CDH2: variants seen among roughly 807,000 people sequenced by gnomAD.
CDH2 encodes cadherin 2.
A neutral mutation model predicts 92.0 loss-of-function variants in CDH2; 17 were observed. That is an observed-to-expected ratio of 0.18 (90% CI 0.13 to 0.28). The LOEUF (loss-of-function observed/expected upper bound fraction) is 0.28. Ranked by LOEUF, CDH2 falls within the 10% of genes least tolerant of loss-of-function variation. The pLI, the probability that CDH2 is intolerant of heterozygous loss-of-function variation, is 1.00. For synonymous variants in CDH2, 419 were observed against 415.9 expected, an observed-to-expected ratio of 1.01 and a Z score of -0.09; for missense variants, 862 against 1,133.1, an observed-to-expected ratio of 0.76 and a Z score of 3.44.
chr18:28,043,466 ATAT>A (rs1567976390), intron 2 of CDH2, among the ~76,000 whole-genome samples: 8 of 82,986 alleles, frequency 9.6e-5, no homozygotes, highest in South Asian at 3.2e-4. Context: ...AAATAAATAT[ATAT>A]ATATATATAT....
chr18:27,947,165 A>C (rs1205491801), downstream of CDH2, among the ~76,000 whole-genome samples: 3 of 151,824 alleles, frequency 2.0e-5, no homozygotes, highest in South Asian at 6.2e-4. Context: ...GAGAATCGCC[A>C]AAAAGCTATT....
At chr18:28,033,081 C>T (rs1310739456) in intron 2 of CDH2, among the ~76,000 whole-genome samples, 1 of 151,960 alleles carries the variant, frequency 6.6e-6, no homozygotes, top group Non-Finnish European at 1.5e-5. Flanking sequence ...GTGATCTGAG[C>T]ACCAAAGAAT....
intron 1 of CDH2, among the ~76,000 whole-genome samples, chr18:28,176,673 C>T (rs1471064904): frequency 6.6e-6 from 1 of 152,064 alleles, no homozygotes; most frequent in Non-Finnish European, 1.5e-5. Context: ...GGGGACACCC[C>T]CCGCGAGCTT....
In CDH2 at chr18:27,951,777, G is replaced by A. The variant is rs201049199; in HGVS notation, c.*376C>T. 3 of 175,382 alleles carry A rather than the reference G, an allele frequency of 1.7e-5. No individual in the cohort carries two copies. Among genetic ancestry groups the A allele is most frequent in the Non-Finnish European group, 3.7e-5 (3 of 81,586 alleles). The allele number at this position is 175,382 out of a possible 1,614,324, so 10.9% of individuals were successfully genotyped here. A position where few individuals can be genotyped will look rare whatever the true frequency, so the allele number is the denominator to read the frequency against. Reference sequence around the variant, plus strand: ...AAAGCAAATGCAATGTAACAAAAGCGTGTTGAAGCATATCATGGTTTAACT... The same window carrying A: ...AAAGCAAATGCAATGTAACAAAAGCATGTTGAAGCATATCATGGTTTAACT... On this transcript the variant is annotated 3_prime_UTR_variant, in exon 16 of 16. Transcript: ENST00000269141.
At chr18:28,067,501 T>C (rs1455260741) in intron 2 of CDH2, among the ~76,000 whole-genome samples, 1 of 152,214 alleles carries the variant, frequency 6.6e-6, no homozygotes, top group African/African-American at 2.4e-5. Context: ...CCTTTGTGAT[T>C]AGCTTCTTTC....
At chr18:27,947,608 G>A (rs533686865), downstream of CDH2, among the ~76,000 whole-genome samples, 26 of 151,860 alleles carry the variant, frequency 1.7e-4, no homozygotes, top group South Asian at 2.7e-3. Flanking sequence ...TAGAAGATCC[G>A]GAAACAAACA....
chr18:28,098,998 T>C (rs1282925320), intron 2 of CDH2, among the ~76,000 whole-genome samples: 1 of 152,204 alleles, frequency 6.6e-6, no homozygotes, highest in Admixed American at 6.5e-5. Context: ...TTAAGTAATC[T>C]ATAAACAGAA....
chr18:28,176,557 C>T (rs1469395696), intron 1 of CDH2, among the ~76,000 whole-genome samples: 2 of 152,114 alleles, frequency 1.3e-5, no homozygotes, highest in South Asian at 4.1e-4. Context: ...GCGACCCATC[C>T]CTGCAGAAAT....
At chr18:28,094,157 T>C (rs1479636383) in intron 2 of CDH2, among the ~76,000 whole-genome samples, 1 of 152,144 alleles carries the variant, frequency 6.6e-6, no homozygotes, top group Admixed American at 6.5e-5. Flanking sequence ...TTGCAACTGT[T>C]TTGGAGTTCC....
chr18:28,172,118 A>G (rs1444555269), intron 1 of CDH2, among the ~76,000 whole-genome samples: 1 of 151,342 alleles, frequency 6.6e-6, no homozygotes, highest in Non-Finnish European at 1.5e-5. Flanking sequence ...TGTGTATGCA[A>G]TCCAAGGGCT....
At chr18:28,161,638 G>GGAA (rs1055205918) in intron 1 of CDH2, among the ~76,000 whole-genome samples, 83 of 151,766 alleles carry the variant, frequency 5.5e-4, no homozygotes, top group Admixed American at 1.5e-3. Flanking sequence ...CAAGAAGTTG[G>GGAA]GAATAAGTCT....
chr18:28,043,016 T>C (rs1345562899), intron 2 of CDH2, among the ~76,000 whole-genome samples: 1 of 152,218 alleles, frequency 6.6e-6, no homozygotes, highest in Non-Finnish European at 1.5e-5. Context: ...CAGTCAGTTG[T>C]TGCCAATATT....
intron 2 of CDH2, among the ~76,000 whole-genome samples, chr18:28,055,367 C>T (rs896254341): frequency 1.3e-5 from 2 of 152,122 alleles, no homozygotes; most frequent in African/African-American, 4.8e-5. Flanking sequence ...ATCCATATCA[C>T]TAGGCTTATT....
intron 15 of CDH2, among the ~76,000 whole-genome samples, chr18:27,958,596 AGT>A (rs929503946): frequency 1.5e-4 from 23 of 150,536 alleles, no homozygotes; most frequent in Admixed American, 2.7e-4. Context: ...TATATAAATA[AGT>A]GTATATTTAT....
In CDH2 at chr18:28,177,093, A is replaced by T; in HGVS notation, c.-71T>A. On this transcript the variant is annotated 5_prime_UTR_variant, in exon 1 of 16. Transcript: ENST00000269141. ...GCGGCGGCGGCGGCGGAGGAGGAGG[A>T]GGCAGCGGCAGCACCAACAGCGGCG... The T allele has an allele frequency of 8.7e-7, 1 of 1,143,484 alleles. No homozygotes were observed. The highest frequency in any genetic ancestry group is 1.2e-6 in the Non-Finnish European group (1 of 823,266). The allele number at this position is 1,143,484 out of a possible 1,614,324, so 70.8% of individuals were successfully genotyped here. A position where few individuals can be genotyped will look rare whatever the true frequency, so the allele number is the denominator to read the frequency against.
chr18:28,157,608 T>C (rs2016240124), intron 1 of CDH2, among the ~76,000 whole-genome samples: 1 of 152,148 alleles, frequency 6.6e-6, no homozygotes, highest in Admixed American at 6.5e-5. Flanking sequence ...AGCATTCACA[T>C]ACATTGACAC....
intron 2 of CDH2, among the ~76,000 whole-genome samples, chr18:28,127,325 C>A (rs2015693255): frequency 6.6e-6 from 1 of 152,130 alleles, no homozygotes; most frequent in Non-Finnish European, 1.5e-5. Flanking sequence ...TGGATGGATT[C>A]AACTTCTGAG....
intron 7 of CDH2, among the ~76,000 whole-genome samples, chr18:27,998,896 G>A (rs947864744): frequency 1.3e-5 from 2 of 152,310 alleles, no homozygotes; most frequent in South Asian, 4.1e-4. Context: ...CCTTGGAGAA[G>A]ACTGGTGTGG....
chr18:28,159,629 G>A (rs779080017), intron 1 of CDH2, among the ~76,000 whole-genome samples: 12 of 151,540 alleles, frequency 7.9e-5, no homozygotes, highest in Non-Finnish European at 1.6e-4. Context: ...TGGGAAAAGG[G>A]TGCTTTACTC....
Sources: allele counts gnomAD v4.1 joint callset (sites outside exome capture counted in the v4.1 genomes callset), GRCh38; gene constraint gnomAD v4.1.1; transcripts MANE v1.5; gene names NCBI Gene and HGNC (gene_info 2026-07-23, HGNC 2026-07-21).